The following RESF1 variants were observed in gnomAD, a reference collection of about 807,000 sequenced individuals.
RESF1 encodes the protein gonad expressed transcript.
RESF1 carries 65 observed loss-of-function variants against 134.7 expected under a neutral mutation model. That is an observed-to-expected ratio of 0.48 (90% CI 0.40 to 0.59). The LOEUF (loss-of-function observed/expected upper bound fraction) is 0.59. Among genes scored for constraint, RESF1 ranks in the 20% least tolerant of loss-of-function variants. The pLI is 0.00. For synonymous variants in RESF1, 762 were observed against 702.2 expected (o/e 1.09, Z -1.35); for missense variants, 2,274 against 2,002.7 (o/e 1.14, Z -2.59).
chr12:31,982,665 T>A lies in RESF1; in HGVS notation c.1710T>A (p.Thr570=). The change falls in exon 4 of 6, where the codon ACT becomes ACA. Residue 570 remains threonine (T), a synonymous_variant. Transcript: ENST00000312561. The part of the protein sequence containing the change: ...ETISVPKSMS[T]EEYKSKIQNE... ...TTTCTGTTCCCAAGTCCATGTCCAC[T>A]GAGGAATATAAATCAAAAATTCAAA... The A allele has an allele frequency of 8.1e-6, 13 of 1,614,102 alleles. No homozygotes were observed. Among genetic ancestry groups the A allele is most frequent in the Non-Finnish European group, 1.1e-5 (13 of 1,179,998 alleles).
At chr12:31,960,950 A>G (rs1340253576) in intron 2 of RESF1, 79 bp downstream of exon 2, 2 of 152,240 alleles carry the variant, frequency 1.3e-5, no homozygotes, top group African/African-American at 2.4e-5. Context: ...TAATTCACCT[A>G]TTACCGAATA....
chr12:31,984,932 A>G lies in RESF1; in HGVS notation c.3977A>G (p.His1326Arg). Reference sequence around the variant, plus strand: ...TCTCAGGAAACCCGACAGAAGAAACATGTAACACAGAACTCACGTCCACTA... The same window carrying G: ...TCTCAGGAAACCCGACAGAAGAAACGTGTAACACAGAACTCACGTCCACTA... ...QASQETRQKK[H>R]VTQNSRPLKT... The change falls in exon 4 of 6, where the codon CAT (histidine) becomes CGT (arginine). Residue 1326 changes from histidine (H) to arginine (R), a missense_variant. Coordinates refer to ENST00000312561, the MANE Select transcript of RESF1 (RefSeq NM_018169.4). 8 of 1,613,432 alleles carry G rather than the reference A, an allele frequency of 5.0e-6. No individual in the cohort carries two copies. Among genetic ancestry groups the G allele is most frequent in the South Asian group, 4.4e-5 (4 of 90,730 alleles).
chr12:31,991,072 A>C (rs1940084013), intron 5 of RESF1, among the ~76,000 whole-genome samples: 1 of 151,886 alleles, frequency 6.6e-6, no homozygotes, highest in South Asian at 2.1e-4. Context: ...AGTGGTGCGC[A>C]CCTGTGGTCC....
intron 2 of RESF1, among the ~76,000 whole-genome samples, chr12:31,962,302 A>C (rs1282643916): frequency 6.6e-6 from 1 of 151,988 alleles, no homozygotes; most frequent in African/African-American, 2.4e-5. Context: ...TTAGAGGCAC[A>C]CTCTATTATG....
chr12:31,987,213 A>G (rs780112266), intron 4 of RESF1, 26 bp from the exon 5 acceptor site: 6 of 1,248,774 alleles, frequency 4.8e-6, no homozygotes, highest in East Asian at 2.3e-5. Context: ...CAATATCTAG[A>G]GTTCTGAAAA....
In RESF1 at chr12:31,981,292, G is replaced by A. The variant is rs757074032; in HGVS notation, c.337G>A (p.Gly113Arg). ...QLTHNLQMSS[G>R]VTQNVWLNSP... is the part of the protein sequence containing the mutation. ...AACTCACAATTTGCAGATGTCTTCAGGAGTTACCCAAAACGTATGGTTGAA... is the reference window on the plus strand; with the variant it reads ...AACTCACAATTTGCAGATGTCTTCAAGAGTTACCCAAAACGTATGGTTGAA... Residue 113 changes from glycine (G) to arginine (R), a missense_variant, in exon 4 of 6, where the codon GGA becomes AGA. Coordinates refer to ENST00000312561, the MANE Select transcript of RESF1 (RefSeq NM_018169.4). 1 of 1,614,034 alleles carries A rather than the reference G, an allele frequency of 6.2e-7. No individual in the cohort carries two copies. The highest frequency in any genetic ancestry group is 1.1e-5 in the South Asian group (1 of 91,068).
At chr12:31,987,719 CTATTTATTTATTTATT>C (rs72099377) in intron 5 of RESF1, among the ~76,000 whole-genome samples, 17 of 147,864 alleles carry the variant, frequency 1.1e-4, no homozygotes, top group South Asian at 2.2e-4. Context: ...TTCTGATTAA[CTATTTATTTATTTATT>C]TATTTATTTA....
In RESF1 at chr12:31,981,890, T is replaced by G; in HGVS notation, c.935T>G (p.Leu312Arg). 6.2e-7 allele frequency: 1 copy of G among 1,614,150 alleles called. No homozygotes were observed. The highest frequency in any genetic ancestry group is 8.5e-7 in the Non-Finnish European group (1 of 1,180,022). Residue 312 changes from leucine to arginine, a missense_variant, in exon 4 of 6, where the codon CTG becomes CGG. By Grantham distance (102) the Leu-to-Arg change is moderately radical. Coordinates refer to ENST00000312561, the MANE Select transcript of RESF1 (RefSeq NM_018169.4). ...GAAGTTCCTCAGAGTCGAGAAATGC[T>G]GTCATCTGAAATAAGGACCAGCTTT... ...SMEVPQSREM[L>R]SSEIRTSFQQ...
chr12:31,967,979 CAG>C lies in RESF1; in HGVS notation c.-246-2208_-246-2207del, dbSNP rs1565838189. Among the ~76,000 whole-genome samples the C allele has an allele frequency of 2.0e-5, 3 of 152,192 alleles. No individual in the cohort carries two copies. The East Asian group carries it at 5.8e-4, about 29-fold the overall frequency. On this transcript the variant is annotated intron_variant, in intron 2 of 5. Transcript: ENST00000312561. ...CTAATTTTTTCTGTGACTAAGGTGA[CAG>C]AAAGCCAGAGCTAGTACAGGTTGAA...
At chr12:31,978,732 T>TTA (rs1375868528) in intron 3 of RESF1, among the ~76,000 whole-genome samples, 1 of 128,164 alleles carries the variant, frequency 7.8e-6, no homozygotes, top group African/African-American at 2.9e-5. Flanking sequence ...TTTTTTTTTT[T>TTA]TGTATATTTA....
Position 31,987,301 on chromosome 12 carries a change from C to T in RESF1, c.5065C>T (p.Gln1689Ter). ...ATTTGTTGCTACAAAGAAAAGGACA[C>T]AGAAAGACAGCCAAGAGAGAGGTAA... ...LKFVATKKRT[Q>*]KDSQERDNVN... The change falls in exon 5 of 6, where the codon CAG (glutamine) becomes TAG (stop). Residue 1689 changes from glutamine (Q) to a stop codon, truncating the protein, a stop_gained. Coordinates refer to ENST00000312561, the MANE Select transcript of RESF1 (RefSeq NM_018169.4). LOFTEE classifies it low-confidence loss of function (END_TRUNC). The T allele has an allele frequency of 1.9e-6, 3 of 1,601,976 alleles. No homozygotes were observed. The highest frequency in any genetic ancestry group is 2.6e-6 in the Non-Finnish European group (3 of 1,170,200).
In RESF1 at chr12:31,984,914, A is replaced by G. The variant is rs1431265443; in HGVS notation, c.3959A>G (p.Glu1320Gly). The G allele has an allele frequency of 2.2e-5, 36 of 1,612,018 alleles. No individual in the cohort carries two copies. Among genetic ancestry groups the G allele is most frequent in the Non-Finnish European group, 2.9e-5 (34 of 1,179,598 alleles). ...GCATCTTATGAACAAGCTTCTCAGG[A>G]AACCCGACAGAAGAAACATGTAACA... is the stretch of plus-strand genomic sequence containing the variant. ...MTASYEQASQETRQKKHVTQN... is the reference protein window; with the variant it reads ...MTASYEQASQGTRQKKHVTQN... Residue 1320 changes from glutamate (E) to glycine (G), a missense_variant, in exon 4 of 6, where the codon GAA (glutamate) becomes GGA (glycine). By Grantham distance (98) the Glu-to-Gly change is moderately conservative. Coordinates refer to ENST00000312561, the MANE Select transcript of RESF1 (RefSeq NM_018169.4).
At chr12:31,968,815 A>T (rs1368881026) in intron 2 of RESF1, among the ~76,000 whole-genome samples, 1 of 152,182 alleles carries the variant, frequency 6.6e-6, no homozygotes. Flanking sequence ...AACCTGCTAG[A>T]CATTATCTAC....
At position 31,988,516 on chromosome 12, in the gene RESF1, T is replaced by TG. The variant is rs1401887381; in HGVS notation, c.5086+1194_5086+1195insG. 3.9e-5 allele frequency among the ~76,000 whole-genome samples: 6 copies of TG among 152,294 alleles called. No homozygotes were observed. The South Asian group carries it at 6.2e-4, about 16-fold the overall frequency. On this transcript the variant is annotated intron_variant, in intron 5 of 5. Coordinates refer to ENST00000312561, the MANE Select transcript of RESF1 (RefSeq NM_018169.4). ...ACTATGCCATTTTACATAAGGAACT[T>TG]AAGCATCCCCAGATTTTGGTATCTA...
chr12:31,961,338 G>A (rs1418742433), intron 2 of RESF1, among the ~76,000 whole-genome samples: 3 of 152,166 alleles, frequency 2.0e-5, no homozygotes, highest in African/African-American at 7.2e-5. Flanking sequence ...TAAGACCATG[G>A]TCCCTGTAAC....
chr12:31,961,406 C>T (rs1281068759), intron 2 of RESF1, among the ~76,000 whole-genome samples: 1 of 152,192 alleles, frequency 6.6e-6, no homozygotes, highest in African/African-American at 2.4e-5. Context: ...GAAAATAAAC[C>T]TCTGCCTGTT....
chr12:31,973,530 ATGT>A (rs1449043932), intron 3 of RESF1, among the ~76,000 whole-genome samples: 1 of 152,076 alleles, frequency 6.6e-6, no homozygotes, highest in Admixed American at 6.6e-5. Context: ...CGTAATCCCT[ATGT>A]TGTTCAAGGG....
intron 4 of RESF1, among the ~76,000 whole-genome samples, chr12:31,986,637 G>A (rs1002702295): frequency 6.6e-6 from 1 of 152,162 alleles, no homozygotes; most frequent in African/African-American, 2.4e-5. Flanking sequence ...CAGGAAGGAA[G>A]GAGAAAATTG....
At chr12:31,986,296 A>G (rs188854763) in intron 4 of RESF1, among the ~76,000 whole-genome samples, 216 of 152,336 alleles carry the variant, frequency 1.4e-3, no homozygotes, top group Admixed American at 3.1e-3. Context: ...TCAAGTAGCT[A>G]GTAATGTAAG....
Sources: gnomAD v4.1 joint callset for allele counts (sites outside exome capture counted in the v4.1 genomes callset) on GRCh38, gnomAD v4.1.1 for gene constraint, MANE v1.5 for transcripts, NCBI Gene and HGNC (gene_info 2026-07-23, HGNC 2026-07-21) for gene names.